The following MTHFD1L variants were observed in gnomAD, a reference collection of about 807,000 sequenced individuals.
MTHFD1L encodes methylenetetrahydrofolate dehydrogenase (NADP+ dependent) 1 like.
In MTHFD1L, 81 loss-of-function variants were observed where a neutral mutation model predicts 119.5. That is an observed-to-expected ratio of 0.68 (90% CI 0.57 to 0.82). The LOEUF (loss-of-function observed/expected upper bound fraction) is 0.82. Ranked by LOEUF, MTHFD1L falls within the 40% of genes least tolerant of loss-of-function variation. The pLI, the probability that MTHFD1L is intolerant of heterozygous loss-of-function variation, is 0.00. For missense variants in MTHFD1L, 1,125 were observed against 1,253.4 expected (o/e 0.90, Z 1.55); for synonymous variants, 430 against 475.2 (o/e 0.90, Z 1.24).
intron 26 of MTHFD1L, among the ~76,000 whole-genome samples, chr6:151,054,358 A>C (rs1463227100): frequency 6.6e-6 from 1 of 152,194 alleles, no homozygotes; most frequent in African/African-American, 2.4e-5. Context: ...GTACAGGGAC[A>C]CCATGATGGG....
intron 13 of MTHFD1L, among the ~76,000 whole-genome samples, chr6:150,942,220 C>T (rs539448075): frequency 6.6e-6 from 1 of 152,328 alleles, no homozygotes; most frequent in African/African-American, 2.4e-5. Context: ...GATCATGCCA[C>T]TGCACTCCAG....
At chr6:150,905,521 C>G (rs555151125) in intron 7 of MTHFD1L, 129 bp from the exon 8 acceptor site, 3 of 665,458 alleles carry the variant, frequency 4.5e-6, no homozygotes, top group Admixed American at 2.5e-5. Context: ...TAAAGCGATT[C>G]CATCCTTGTC....
intron 13 of MTHFD1L, among the ~76,000 whole-genome samples, chr6:150,943,753 A>G (rs910273409): frequency 6.6e-6 from 1 of 152,242 alleles, no homozygotes; most frequent in African/African-American, 2.4e-5. Flanking sequence ...GTTTGTAGGA[A>G]GATGATTCTA....
At chr6:150,872,744 A>T (rs990440249) in intron 1 of MTHFD1L, among the ~76,000 whole-genome samples, 1 of 152,186 alleles carries the variant, frequency 6.6e-6, no homozygotes, top group African/African-American at 2.4e-5. Context: ...AGAAAAACAC[A>T]GTATCTGTAA....
chr6:150,906,786 C>T (rs1785985617), intron 8 of MTHFD1L, among the ~76,000 whole-genome samples: 1 of 152,118 alleles, frequency 6.6e-6, no homozygotes. Flanking sequence ...GAGCCCTAGC[C>T]AGAGGTTGTT....
chr6:151,049,066 G>A (rs935677114), intron 26 of MTHFD1L, among the ~76,000 whole-genome samples: 50 of 152,138 alleles, frequency 3.3e-4, no homozygotes, highest in African/African-American at 1.1e-3. Context: ...GCTAAAAACC[G>A]CATTCACAGC....
chr6:150,938,799 CTT>C (rs1792573991), intron 13 of MTHFD1L, 54 bp downstream of exon 13: 2 of 1,554,902 alleles, frequency 1.3e-6, no homozygotes, highest in Admixed American at 1.9e-5. Context: ...TTCCTGACAT[CTT>C]GTCTCTGCTC....
At chr6:151,100,588 T>TA (rs1032736426) in intron 27 of MTHFD1L, among the ~76,000 whole-genome samples, 10 of 152,054 alleles carry the variant, frequency 6.6e-5, no homozygotes, top group African/African-American at 2.4e-4. Flanking sequence ...ATATTGCATT[T>TA]ACATTTTAGA....
At position 151,017,289 on chromosome 6, in the gene MTHFD1L, T is replaced by C. The variant is rs561496479; in HGVS notation, c.2586+1596T>C. On this transcript the variant is annotated intron_variant, in intron 24 of 27. Coordinates refer to ENST00000367321, the MANE Select transcript of MTHFD1L (RefSeq NM_015440.5). ...ACCTCATGTAAGTAGCATCATACTGTGGCTGGCTTATTTCACTTAGCATAA... is the reference window on the plus strand; with the variant it reads ...ACCTCATGTAAGTAGCATCATACTGCGGCTGGCTTATTTCACTTAGCATAA... Among the ~76,000 whole-genome samples the C allele has an allele frequency of 6.6e-5, 10 of 152,188 alleles. No individual in the cohort carries two copies. The East Asian group carries it at 1.9e-3, about 29-fold the overall frequency.
intron 1 of MTHFD1L, among the ~76,000 whole-genome samples, chr6:150,871,735 C>T (rs1583293878): frequency 6.6e-6 from 1 of 151,558 alleles, no homozygotes; most frequent in East Asian, 1.9e-4. Context: ...AACTCCTGAC[C>T]TTGTGATCCG....
intron 27 of MTHFD1L, chr6:151,099,777 G>A (rs996466878): frequency 2.1e-5 from 34 of 1,608,122 alleles, no homozygotes; most frequent in Admixed American, 6.7e-5. Context: ...ACGTCAAGGA[G>A]CTGGAAGTGC....
intron 19 of MTHFD1L, among the ~76,000 whole-genome samples, chr6:150,970,224 G>A (rs901973652): frequency 2.6e-5 from 4 of 152,244 alleles, no homozygotes; most frequent in Non-Finnish European, 2.9e-5. Context: ...GATTGATGCC[G>A]GGCTCCCCAT....
chr6:151,029,838 C>A (rs1785096490), intron 24 of MTHFD1L, among the ~76,000 whole-genome samples: 1 of 152,186 alleles, frequency 6.6e-6, no homozygotes. Flanking sequence ...CCACTCGCAT[C>A]AATTTATTCA....
chr6:151,049,791 A>G (rs1204529622), intron 26 of MTHFD1L, among the ~76,000 whole-genome samples: 2 of 152,198 alleles, frequency 1.3e-5, no homozygotes, highest in Admixed American at 6.5e-5. Context: ...ATTTTCGTCC[A>G]TGGTTCCTGG....
chr6:150,956,175 G>GA, intron 17 of MTHFD1L, 104 bp downstream of exon 17: 1 of 1,157,656 alleles, frequency 8.6e-7, no homozygotes, highest in Non-Finnish European at 1.3e-6. Context: ...AACCTGTTGT[G>GA]GCCAGTGGTT....
At chr6:150,945,410 T>G in intron 14 of MTHFD1L, 57 bp from the exon 15 acceptor site, 1 of 1,413,492 alleles carries the variant, frequency 7.1e-7, no homozygotes, top group Non-Finnish European at 9.9e-7. Context: ...CTGTGAATTG[T>G]CCAAGTTCAT....
In MTHFD1L at chr6:150,950,871, G is replaced by T. The variant is rs184982817; in HGVS notation, c.1726+1738G>T. On this transcript the variant is annotated intron_variant, in intron 16 of 27. Coordinates refer to ENST00000367321, the MANE Select transcript of MTHFD1L (RefSeq NM_015440.5). Reference sequence around the variant, plus strand: ...TTTACTAGAGATGGGGTTTCACCATGTTGGCCAGGCTGGTCTGGAACTCCT... The same window carrying T: ...TTTACTAGAGATGGGGTTTCACCATTTTGGCCAGGCTGGTCTGGAACTCCT... Among the ~76,000 whole-genome samples the T allele has an allele frequency of 4.1e-3, 617 of 152,122 alleles. 3 individuals carry two copies. The highest frequency in any genetic ancestry group is 0.014 in the African/African-American group (588 of 41,504).
chr6:150,887,852 C>T lies in MTHFD1L; in HGVS notation c.651C>T (p.Asn217=). The T allele has an allele frequency of 1.3e-6, 2 of 1,599,392 alleles. No homozygotes were observed. Among genetic ancestry groups the T allele is most frequent in the African/African-American group, 1.3e-5 (1 of 74,124 alleles). The change falls in exon 7 of 28, where the codon AAC becomes AAT. Residue 217 remains asparagine (N), a synonymous_variant. Coordinates refer to ENST00000367321, the MANE Select transcript of MTHFD1L (RefSeq NM_015440.5). Reference sequence around the variant, plus strand: ...TTTTCATTTGGTTAGTAGGTGTCAACCTAGATGGAAAGAAGATTTTGGTAG... The same window carrying T: ...TTTTCATTTGGTTAGTAGGTGTCAATCTAGATGGAAAGAAGATTTTGGTAG... ...VIELLEKSGV[N]LDGKKILVVG...
chr6:150,883,027 A>T, intron 5 of MTHFD1L, 141 bp downstream of exon 5: 1 of 896,540 alleles, frequency 1.1e-6, no homozygotes, highest in Non-Finnish European at 1.6e-6. Context: ...ATATTTCAGG[A>T]GTCTATAGGA....
Sources: allele counts gnomAD v4.1 joint callset (sites outside exome capture counted in the v4.1 genomes callset), GRCh38; gene constraint gnomAD v4.1.1; transcripts MANE v1.5; gene names NCBI Gene and HGNC (gene_info 2026-07-23, HGNC 2026-07-21).